The following HIVEP3 variants were observed in gnomAD, a reference collection of about 807,000 sequenced individuals.
HIVEP3 encodes the protein transcription factor HIVEP3.
HIVEP3 carries 49 observed loss-of-function variants against 152.8 expected under a neutral mutation model. The ratio of observed to expected loss-of-function variants is 0.32; its 90% confidence interval spans 0.26 to 0.41. HIVEP3 has a LOEUF of 0.41. HIVEP3 is among the 10% of genes least tolerant of loss of function. The pLI, the probability that HIVEP3 is intolerant of heterozygous loss-of-function variation, is 1.00. For synonymous variants in HIVEP3, 1,269 were observed against 1,289.0 expected (o/e 0.98, Z 0.33); for missense variants, 2,790 against 3,103.3 (o/e 0.90, Z 2.40).
chr1:41,673,633 T>C lies in HIVEP3; in HGVS notation c.-721+27283A>G, dbSNP rs575186285. Among the ~76,000 whole-genome samples the C allele has an allele frequency of 2.6e-5, 4 of 152,128 alleles. No individual in the cohort carries two copies. The South Asian group carries it at 6.2e-4, about 24-fold the overall frequency. On this transcript the variant is annotated intron_variant, in intron 2 of 8. Coordinates refer to ENST00000372583, the MANE Select transcript of HIVEP3 (RefSeq NM_024503.5). The stretch of plus-strand genomic sequence containing the variant: ...AGTCCAATTTCTTGAACTCTAAGCA[T>C]TTTTTTTCTTTCAAGATTGTGTTAG...
intron 1 of HIVEP3, among the ~76,000 whole-genome samples, chr1:41,846,258 T>G (rs1227084770): frequency 3.9e-5 from 6 of 152,218 alleles, no homozygotes; most frequent in Non-Finnish European, 8.8e-5. Context: ...TTCTGAAATG[T>G]GCATGTTACT....
chr1:41,922,247 G>T (rs531567224), upstream of HIVEP3, among the ~76,000 whole-genome samples: 1 of 152,256 alleles, frequency 6.6e-6, no homozygotes, highest in African/African-American at 2.4e-5. Flanking sequence ...AGAAAAATCA[G>T]GTTGCTTAAA....
At chr1:41,803,119 C>A (rs1237150162) in intron 1 of HIVEP3, among the ~76,000 whole-genome samples, 2 of 152,314 alleles carry the variant, frequency 1.3e-5, no homozygotes, top group East Asian at 3.9e-4. Context: ...AAGGCAGGCA[C>A]AGACAGCAAC....
chr1:41,834,781 C>T (rs900353795), intron 1 of HIVEP3, among the ~76,000 whole-genome samples: 2 of 151,988 alleles, frequency 1.3e-5, no homozygotes, highest in Non-Finnish European at 1.5e-5. Flanking sequence ...GTAATAAATG[C>T]TCTGAAAAAA....
intron 5 of HIVEP3, among the ~76,000 whole-genome samples, chr1:41,549,318 A>G (rs1235160570): frequency 6.6e-6 from 1 of 152,172 alleles, no homozygotes; most frequent in Non-Finnish European, 1.5e-5. Flanking sequence ...ATTGTGAATA[A>G]TGCCACAATA....
chr1:41,907,909 TGAGA>T (rs1644739554), intron 1 of HIVEP3, among the ~76,000 whole-genome samples: 1 of 152,150 alleles, frequency 6.6e-6, no homozygotes, highest in East Asian at 1.9e-4. Context: ...TGTTGGAAAT[TGAGA>T]GAGATAGTAT....
intron 5 of HIVEP3, among the ~76,000 whole-genome samples, chr1:41,560,863 G>A (rs1644049501): frequency 6.6e-6 from 1 of 152,208 alleles, no homozygotes; most frequent in Admixed American, 6.5e-5. Context: ...CCAGCTCTGG[G>A]CTCTGGAAGG....
chr1:41,760,348 G>C (rs1156385825), intron 1 of HIVEP3, among the ~76,000 whole-genome samples: 1 of 152,182 alleles, frequency 6.6e-6, no homozygotes. Context: ...CACATTTTCA[G>C]CTTGCACCTG....
chr1:41,913,748 T>C (rs1644830758), intron 1 of HIVEP3, among the ~76,000 whole-genome samples: 1 of 152,198 alleles, frequency 6.6e-6, no homozygotes, highest in Non-Finnish European at 1.5e-5. Context: ...GGAAGTCCAA[T>C]GAAAGACTCA....
chr1:41,815,852 C>T (rs939139564), intron 1 of HIVEP3, among the ~76,000 whole-genome samples: 4 of 151,322 alleles, frequency 2.6e-5, no homozygotes, highest in East Asian at 1.9e-4. Flanking sequence ...CCACTGCAAC[C>T]CCTGCCTCCT....
intron 1 of HIVEP3, among the ~76,000 whole-genome samples, chr1:41,750,117 G>A (rs900364857): frequency 2.0e-5 from 3 of 152,216 alleles, no homozygotes; most frequent in South Asian, 2.1e-4. Flanking sequence ...CTCATTAAGC[G>A]CCATGACCTT....
rs201323657 is a variant in HIVEP3, at chr1:41,526,729, ACT to A, written c.5208-1821_5208-1820del. 7.6e-3 allele frequency among the ~76,000 whole-genome samples: 621 copies of A among 82,180 alleles called. 5 individuals carry two copies. Among genetic ancestry groups the A allele is most frequent in the Non-Finnish European group, 0.012 (496 of 41,990 alleles). 53.9% of individuals were successfully genotyped at this position (82,180 alleles called of 152,430 possible). ...CTCACCCTCACACACACCCTCACACACTCACCCTAAAACGTGCTCACATCCCC... is the reference window on the plus strand; with the variant it reads ...CTCACCCTCACACACACCCTCACACACACCCTAAAACGTGCTCACATCCCC... On this transcript the variant is annotated intron_variant, in intron 5 of 8. Transcript: ENST00000372583.
At chr1:41,780,092 C>T (rs1035122975) in intron 1 of HIVEP3, among the ~76,000 whole-genome samples, 4 of 152,146 alleles carry the variant, frequency 2.6e-5, no homozygotes, top group Admixed American at 1.3e-4. Flanking sequence ...TTGCTAGGGA[C>T]GAGGTTGCAG....
intron 4 of HIVEP3, among the ~76,000 whole-genome samples, chr1:41,577,875 T>C (rs1644349780): frequency 6.6e-6 from 1 of 152,180 alleles, no homozygotes; most frequent in South Asian, 2.1e-4. Context: ...CCATAGACCA[T>C]GTGGTTATAC....
intron 1 of HIVEP3, among the ~76,000 whole-genome samples, chr1:41,953,352 T>C (rs1226412212): frequency 6.6e-6 from 1 of 152,190 alleles, no homozygotes; most frequent in Non-Finnish European, 1.5e-5. Flanking sequence ...TTGGGCCAAT[T>C]ACTTAATCTG....
chr1:41,741,936 G>A (rs1647002452), intron 1 of HIVEP3, among the ~76,000 whole-genome samples: 1 of 152,248 alleles, frequency 6.6e-6, no homozygotes, highest in Admixed American at 6.5e-5. Context: ...ACTGAGGGCT[G>A]AAGGCCAAGG....
chr1:41,598,915 A>G (rs920833187), intron 3 of HIVEP3, among the ~76,000 whole-genome samples: 1 of 152,084 alleles, frequency 6.6e-6, no homozygotes, highest in African/African-American at 2.4e-5. Flanking sequence ...TCCTGGGCTC[A>G]GGTGATTCTC....
At chr1:41,785,184 C>T (rs1229597020) in intron 1 of HIVEP3, among the ~76,000 whole-genome samples, 1 of 152,214 alleles carries the variant, frequency 6.6e-6, no homozygotes, top group African/African-American at 2.4e-5. Context: ...TGGCCAAGCT[C>T]TTCTGAGCCC....
At chr1:41,818,660 A>C (rs1642486961) in intron 1 of HIVEP3, among the ~76,000 whole-genome samples, 1 of 152,208 alleles carries the variant, frequency 6.6e-6, no homozygotes, top group South Asian at 2.1e-4. Context: ...ATACCGAATG[A>C]AAACGAACCC....
Sources: gnomAD v4.1 joint callset for allele counts (sites outside exome capture counted in the v4.1 genomes callset) on GRCh38, gnomAD v4.1.1 for gene constraint, MANE v1.5 for transcripts, NCBI Gene and HGNC (gene_info 2026-07-23, HGNC 2026-07-21) for gene names.